KRABD1: variants seen among roughly 807,000 people sequenced by gnomAD.
The protein encoded by KRABD1 is KRAB domain containing 1.
the KRABD1 span, chr3:42,936,800 C>T: frequency 6.6e-6 from 1 of 152,306 alleles, no homozygotes; most frequent in Non-Finnish European, 1.5e-5. Flanking sequence ...AAACCCCAAC[C>T]CTACCCCTCA....
the KRABD1 span, chr3:42,937,704 C>T: frequency 1.3e-5 from 2 of 152,198 alleles, no homozygotes; most frequent in South Asian, 2.1e-4. Context: ...TTACTGGACT[C>T]CCTGTTAACT....
the KRABD1 span, chr3:42,938,958 C>T: frequency 6.6e-7 from 1 of 1,516,324 alleles, no homozygotes; most frequent in African/African-American, 1.4e-5. Flanking sequence ...TATCTCTGTA[C>T]ATATCCCTGT....
the KRABD1 span, chr3:42,938,650 A>C: frequency 4.0e-5 from 15 of 375,730 alleles, no homozygotes; most frequent in Admixed American, 5.6e-4. Context: ...CCACTTTTTC[A>C]TCACTCATTC....
the KRABD1 span, chr3:42,938,055 G>A: frequency 6.6e-6 from 1 of 152,154 alleles, no homozygotes; most frequent in African/African-American, 2.4e-5. Context: ...ATTCACTCTT[G>A]AAAGGCAAAA....
the KRABD1 span, among the ~76,000 whole-genome samples, chr3:42,939,851 T>C: frequency 2.6e-5 from 4 of 152,336 alleles, no homozygotes; most frequent in East Asian, 7.7e-4. Context: ...TATTTTTTCG[T>C]ATTTTTTATT....
chr3:42,937,912 C>T, the KRABD1 span: 1 of 152,162 alleles, frequency 6.6e-6, no homozygotes, highest in African/African-American at 2.4e-5. Flanking sequence ...GGAGTTGGAA[C>T]GGAAGTTGTT....
At chr3:42,938,855 G>T in the KRABD1 span, 1 of 1,472,856 alleles carries the variant, frequency 6.8e-7, no homozygotes, top group East Asian at 2.5e-5. Context: ...TTCAGCACCT[G>T]AGACTTTTAC....
At chr3:42,939,188 GCACCC>G in the KRABD1 span, among the ~76,000 whole-genome samples, 1 of 152,108 alleles carries the variant, frequency 6.6e-6, no homozygotes, top group South Asian at 2.1e-4. Flanking sequence ...AACATTATTA[GCACCC>G]CAAAAGGCCC....
the KRABD1 span, among the ~76,000 whole-genome samples, chr3:42,940,613 G>A: frequency 1.3e-5 from 2 of 152,112 alleles, no homozygotes; most frequent in Non-Finnish European, 2.9e-5. Context: ...TGAGCCTTAT[G>A]CACCAAGTTG....
the KRABD1 span, chr3:42,941,329 A>G: frequency 1.2e-5 from 19 of 1,599,388 alleles, no homozygotes; most frequent in Non-Finnish European, 1.6e-5. Context: ...ATGCTGGAGA[A>G]CTATGAGGCT....
At chr3:42,941,353 G>C in the KRABD1 span, 1 of 1,587,030 alleles carries the variant, frequency 6.3e-7, no homozygotes, top group Non-Finnish European at 8.5e-7. Context: ...GCCTTTGTAG[G>C]TAAGGCCTCT....
At chr3:42,937,902 G>A in the KRABD1 span, 4 of 152,144 alleles carry the variant, frequency 2.6e-5, no homozygotes, top group Non-Finnish European at 5.9e-5. Context: ...CTGCAGATAT[G>A]GAGTTGGAAC....
the KRABD1 span, chr3:42,942,700 C>T: frequency 2.1e-3 from 1,226 of 585,292 alleles, 23 homozygotes; most frequent in East Asian, 0.035. Context: ...GTAAGAGCCA[C>T]CTTAAACGAT....
chr3:42,937,930 T>A, the KRABD1 span: 1 of 152,340 alleles, frequency 6.6e-6, no homozygotes, highest in South Asian at 2.1e-4. Flanking sequence ...GTTTTTAAGG[T>A]CTATGAGTAT....
At chr3:42,940,254 T>C in the KRABD1 span, among the ~76,000 whole-genome samples, 1 of 152,244 alleles carries the variant, frequency 6.6e-6, no homozygotes, top group Non-Finnish European at 1.5e-5. Context: ...TGAATTGCTC[T>C]AGTTACTTTG....
chr3:42,942,319 T>A, the KRABD1 span, among the ~76,000 whole-genome samples: 1 of 152,240 alleles, frequency 6.6e-6, no homozygotes, highest in Non-Finnish European at 1.5e-5. Flanking sequence ...ACAGTTTTTC[T>A]AAATACTTTA....
the KRABD1 span, chr3:42,941,089 C>A: frequency 2.9e-6 from 2 of 683,350 alleles, no homozygotes; most frequent in Non-Finnish European, 4.4e-6. Flanking sequence ...AAATTTTACA[C>A]AAAAACTCTG....
At chr3:42,938,542 G>A in the KRABD1 span, 1 of 208,774 alleles carries the variant, frequency 4.8e-6, no homozygotes, top group Non-Finnish European at 1.0e-5. Context: ...TTTCTTTTCT[G>A]CCTATAACAC....
the KRABD1 span, among the ~76,000 whole-genome samples, chr3:42,939,327 A>G: frequency 6.6e-6 from 1 of 152,160 alleles, no homozygotes; most frequent in African/African-American, 2.4e-5. Flanking sequence ...TTAAACATGC[A>G]TTCTTTTGTA....
Sources: gnomAD v4.1 joint callset for allele counts (sites outside exome capture counted in the v4.1 genomes callset) on GRCh38, gnomAD v4.1.1 for gene constraint, MANE v1.5 for transcripts, NCBI Gene and HGNC (gene_info 2026-07-23, HGNC 2026-07-21) for gene names.